The following SLC35F1 variants were observed in gnomAD, a reference collection of about 807,000 sequenced individuals.
SLC35F1 encodes the protein chromosome 6 open reading frame 169.
A neutral mutation model predicts 48.7 loss-of-function variants in SLC35F1; 14 were observed. The observed-to-expected ratio is 0.29, with a 90% CI of 0.19 to 0.45. The LOEUF is 0.45. SLC35F1 is among the 20% of genes least tolerant of loss of function. The probability of loss-of-function intolerance (pLI) is 1.00; values close to 1 mark genes in which losing one functional copy is unlikely to be tolerated. For synonymous variants in SLC35F1, 190 were observed against 202.2 expected (o/e 0.94, Z 0.51); for missense variants, 404 against 500.0 (o/e 0.81, Z 1.83).
intron 1 of SLC35F1, among the ~76,000 whole-genome samples, chr6:118,127,663 G>A (rs1773647181): frequency 6.6e-6 from 1 of 151,842 alleles, no homozygotes; most frequent in African/African-American, 2.4e-5. Context: ...ATTAATTCAA[G>A]ATGGATTAAA....
chr6:118,030,373 T>C (rs1252919564), intron 1 of SLC35F1, among the ~76,000 whole-genome samples: 1 of 151,778 alleles, frequency 6.6e-6, no homozygotes, highest in Non-Finnish European at 1.5e-5. Context: ...CACATTATCA[T>C]CTGTTGTTGC....
intron 1 of SLC35F1, among the ~76,000 whole-genome samples, chr6:118,078,727 C>G (rs542158824): frequency 6.6e-6 from 1 of 152,234 alleles, no homozygotes; most frequent in South Asian, 2.1e-4. Context: ...TCCTCCACAC[C>G]AAGATGGTGT....
chr6:117,935,308 C>T lies in SLC35F1; in HGVS notation c.173+27409C>T, dbSNP rs183452134. Among the ~76,000 whole-genome samples the T allele has an allele frequency of 2.0e-3, 307 of 152,240 alleles. 2 individuals carry two copies. The highest frequency in any genetic ancestry group is 0.01 in the Middle Eastern group (3 of 292). The stretch of plus-strand genomic sequence containing the variant: ...TTTTATTATTCACTGAAGTTATGCT[C>T]TATAAAGTTGCTGCAAATTAGTAAG... On this transcript the variant is annotated intron_variant, in intron 1 of 7. Coordinates refer to ENST00000360388, the MANE Select transcript of SLC35F1 (RefSeq NM_001029858.4).
At chr6:118,184,314 A>T (rs1163686098) in intron 2 of SLC35F1, among the ~76,000 whole-genome samples, 3 of 152,218 alleles carry the variant, frequency 2.0e-5, no homozygotes, top group Non-Finnish European at 4.4e-5. Context: ...TGGCTCTACC[A>T]TATGTGGAGC....
intron 1 of SLC35F1, among the ~76,000 whole-genome samples, chr6:117,922,251 C>A (rs1338838158): frequency 1.3e-5 from 2 of 152,080 alleles, no homozygotes; most frequent in Non-Finnish European, 2.9e-5. Context: ...GTTAGGTAGT[C>A]CCAGCTCAAA....
intron 1 of SLC35F1, among the ~76,000 whole-genome samples, chr6:117,921,013 C>G (rs1775891039): frequency 6.6e-6 from 1 of 151,444 alleles, no homozygotes; most frequent in African/African-American, 2.4e-5. Context: ...CTTTGTCTAT[C>G]CGCCTGAGTC....
intron 1 of SLC35F1, among the ~76,000 whole-genome samples, chr6:118,078,655 G>T (rs556398307): frequency 1.3e-5 from 2 of 152,288 alleles, no homozygotes; most frequent in African/African-American, 4.8e-5. Flanking sequence ...TAGACTGGAG[G>T]TAGTTAATTC....
intron 2 of SLC35F1, among the ~76,000 whole-genome samples, chr6:118,224,021 A>T (rs1775184427): frequency 1.3e-5 from 2 of 152,234 alleles, no homozygotes; most frequent in Admixed American, 1.3e-4. Flanking sequence ...ATTACAGGAA[A>T]CTTCCAAAAG....
chr6:118,280,165 G>T (rs1425632989), intron 6 of SLC35F1, among the ~76,000 whole-genome samples: 2 of 152,138 alleles, frequency 1.3e-5, no homozygotes, highest in Non-Finnish European at 2.9e-5. Flanking sequence ...AAGACTGATT[G>T]TGATTATCTA....
chr6:117,964,415 C>T (rs1232775158), intron 1 of SLC35F1, among the ~76,000 whole-genome samples: 3 of 152,336 alleles, frequency 2.0e-5, no homozygotes, highest in East Asian at 3.9e-4. Context: ...CCACTAGTGA[C>T]CTAAGTAGCT....
intron 1 of SLC35F1, among the ~76,000 whole-genome samples, chr6:118,097,816 G>C: frequency 6.6e-6 from 1 of 152,136 alleles, no homozygotes; most frequent in Non-Finnish European, 1.5e-5. Context: ...ACAATTACCA[G>C]CTGCCTAGTA....
chr6:118,115,736 G>A (rs1773468599), intron 1 of SLC35F1, among the ~76,000 whole-genome samples: 1 of 152,190 alleles, frequency 6.6e-6, no homozygotes, highest in East Asian at 1.9e-4. Context: ...ACTTGAACAA[G>A]TGACCCTCGT....
rs546744917 is a variant in SLC35F1 at position 117,933,828 on chromosome 6, G to T, written c.173+25929G>T. Among the ~76,000 whole-genome samples, 13 of 152,150 alleles carry T rather than the reference G, an allele frequency of 8.5e-5. No individual in the cohort carries two copies. The South Asian group carries it at 2.7e-3, about 32-fold the overall frequency. ...ATATTCTTCATTCAGGTTCTAAACT[G>T]CTAGTGCACTTTCTAGGACCCTGCG... On this transcript the variant is annotated intron_variant, in intron 1 of 7. Coordinates refer to ENST00000360388, the MANE Select transcript of SLC35F1 (RefSeq NM_001029858.4).
intron 7 of SLC35F1, among the ~76,000 whole-genome samples, chr6:118,302,271 G>C (rs1411296969): frequency 6.6e-6 from 1 of 152,072 alleles, no homozygotes; most frequent in African/African-American, 2.4e-5. Flanking sequence ...TAAAGCAGTA[G>C]CTTATAAAGA....
intron 1 of SLC35F1, among the ~76,000 whole-genome samples, chr6:117,918,359 G>A (rs1163661008): frequency 6.6e-6 from 1 of 152,108 alleles, no homozygotes; most frequent in Non-Finnish European, 1.5e-5. Flanking sequence ...AGCATGGTGG[G>A]GAGGAACTAG....
chr6:117,953,094 A>C (rs1776384399), intron 1 of SLC35F1, among the ~76,000 whole-genome samples: 1 of 152,156 alleles, frequency 6.6e-6, no homozygotes, highest in African/African-American at 2.4e-5. Context: ...CTTTTTCTTG[A>C]CACTGATGGT....
chr6:117,953,861 T>A (rs1477035895), intron 1 of SLC35F1, among the ~76,000 whole-genome samples: 1 of 152,200 alleles, frequency 6.6e-6, no homozygotes, highest in African/African-American at 2.4e-5. Flanking sequence ...TAATTTATTG[T>A]TAAAACTGGG....
chr6:118,211,415 T>C (rs1198408695), intron 2 of SLC35F1, among the ~76,000 whole-genome samples: 2 of 152,234 alleles, frequency 1.3e-5, no homozygotes, highest in Admixed American at 6.5e-5. Flanking sequence ...ATTTTCGAAC[T>C]GCCCACATCA....
At chr6:117,910,742 G>T (rs1438231794) in intron 1 of SLC35F1, among the ~76,000 whole-genome samples, 1 of 152,180 alleles carries the variant, frequency 6.6e-6, no homozygotes, top group African/African-American at 2.4e-5. Context: ...ACACAGAGTG[G>T]TGCAATGGGA....
Sources: gnomAD v4.1 joint callset for allele counts (sites outside exome capture counted in the v4.1 genomes callset) on GRCh38, gnomAD v4.1.1 for gene constraint, MANE v1.5 for transcripts, NCBI Gene and HGNC (gene_info 2026-07-23, HGNC 2026-07-21) for gene names.